The following FARP1 variants were observed in gnomAD, a reference collection of about 807,000 sequenced individuals.
FARP1 encodes FERM, ARH/RhoGEF and pleckstrin domain protein 1, also known as FERM, ARHGEF and pleckstrin domain-containing protein 1.
In FARP1, 52 loss-of-function variants were observed where a neutral mutation model predicts 128.8. The ratio of observed to expected loss-of-function variants is 0.40; its 90% CI spans 0.32 to 0.51. The LOEUF is 0.51. Ranked by LOEUF, FARP1 falls within the 20% of genes least tolerant of loss-of-function variation. FARP1 has a pLI of 0.45. For synonymous variants in FARP1, 580 were observed against 551.8 expected (o/e 1.05, Z -0.72); for missense variants, 1,333 against 1,367.9 (o/e 0.97, Z 0.40).
chr13:98,220,899 A>G (rs1881377524), intron 2 of FARP1, among the ~76,000 whole-genome samples: 1 of 152,348 alleles, frequency 6.6e-6, no homozygotes, highest in Non-Finnish European at 1.5e-5. Flanking sequence ...AAAAGAATAA[A>G]CTAATTGAGA....
chr13:98,369,064 T>A (rs1183214964), intron 5 of FARP1, among the ~76,000 whole-genome samples: 1 of 152,118 alleles, frequency 6.6e-6, no homozygotes, highest in African/African-American at 2.4e-5. Flanking sequence ...TAGCTGGGAC[T>A]ACAGGTGCCC....
intron 13 of FARP1, chr13:98,397,551 C>G (rs1191482161): frequency 1.3e-5 from 2 of 152,234 alleles, no homozygotes; most frequent in Non-Finnish European, 2.9e-5. Flanking sequence ...CACTGCCTTT[C>G]ACCCAGCATT....
At chr13:98,438,893 G>C (rs7984446) in intron 20 of FARP1, 21 bp downstream of exon 20, 1 of 1,610,496 alleles carries the variant, frequency 6.2e-7, no homozygotes, top group African/African-American at 1.3e-5. Context: ...AGAGCGGCTT[G>C]TCCTCACAAG....
At chr13:98,395,196 C>G (rs755644783) in intron 12 of FARP1, 31 bp from the exon 13 acceptor site, 8 of 1,564,112 alleles carry the variant, frequency 5.1e-6, no homozygotes, top group Non-Finnish European at 6.1e-6. Context: ...TCTTCTCTAT[C>G]TCTCCGCACC....
intron 2 of FARP1, among the ~76,000 whole-genome samples, chr13:98,230,668 A>C (rs1594298473): frequency 6.6e-6 from 1 of 152,026 alleles, no homozygotes; most frequent in Non-Finnish European, 1.5e-5. Flanking sequence ...TATATTATAC[A>C]TGGTGCGTGT....
At chr13:98,252,737 T>A (rs1883404416) in intron 2 of FARP1, among the ~76,000 whole-genome samples, 1 of 152,192 alleles carries the variant, frequency 6.6e-6, no homozygotes, top group African/African-American at 2.4e-5. Flanking sequence ...TGAAATTGGA[T>A]GTAAGTCAAT....
rs9556935 is a variant in FARP1, at chr13:98,354,786, A to G, written c.277-10609A>G. ...CAAGAGAAGAATTGTTAAACAGACT[A>G]TGGTATACTACATTATGTAGAGGGA... On this transcript the variant is annotated intron_variant, in intron 3 of 26. Coordinates refer to ENST00000319562, the MANE Select transcript of FARP1 (RefSeq NM_005766.4). 1.1e-4 allele frequency among the ~76,000 whole-genome samples: 17 copies of G among 152,352 alleles called. No individual in the cohort carries two copies. The East Asian group carries it at 3.1e-3, about 28-fold the overall frequency.
intron 17 of FARP1, among the ~76,000 whole-genome samples, chr13:98,429,201 G>A (rs1866044520): frequency 6.6e-6 from 1 of 152,228 alleles, no homozygotes; most frequent in Admixed American, 6.5e-5. Context: ...AGTGCGGGAG[G>A]ATGCAGGAGT....
chr13:98,223,667 G>C (rs1881569508), intron 2 of FARP1, among the ~76,000 whole-genome samples: 1 of 152,166 alleles, frequency 6.6e-6, no homozygotes, highest in Admixed American at 6.5e-5. Context: ...AGAATCTGTG[G>C]CTCTGGAAAT....
chr13:98,198,641 C>G (rs1208956109), intron 1 of FARP1, among the ~76,000 whole-genome samples: 2 of 151,986 alleles, frequency 1.3e-5, no homozygotes, highest in Non-Finnish European at 2.9e-5. Context: ...TTTTGGAAGG[C>G]TGAGGAGGGC....
At chr13:98,239,511 A>G (rs1206368111) in intron 2 of FARP1, among the ~76,000 whole-genome samples, 1 of 152,140 alleles carries the variant, frequency 6.6e-6, no homozygotes, top group East Asian at 1.9e-4. Context: ...GAATCATTTT[A>G]AGTGGTGTGA....
At chr13:98,433,274 T>C (rs1892119346) in intron 18 of FARP1, 1 of 152,222 alleles carries the variant, frequency 6.6e-6, no homozygotes, top group African/African-American at 2.4e-5. Context: ...AAAACCGTTG[T>C]TAATATCTAG....
intron 2 of FARP1, chr13:98,332,770 G>T (rs1887566144): frequency 6.6e-6 from 1 of 152,182 alleles, no homozygotes. Context: ...TTCACGTTAA[G>T]ATCGGTTCTT....
intron 2 of FARP1, among the ~76,000 whole-genome samples, chr13:98,275,672 G>A (rs1355708877): frequency 7.0e-6 from 1 of 142,236 alleles, no homozygotes; most frequent in African/African-American, 2.6e-5. Flanking sequence ...TGAGCTGAAC[G>A]ATTGTGACAA....
intron 19 of FARP1, among the ~76,000 whole-genome samples, chr13:98,437,420 T>A (rs1195471465): frequency 2.7e-5 from 4 of 150,874 alleles, no homozygotes; most frequent in Admixed American, 6.6e-5. Context: ...CAGTTATAGA[T>A]AAAGAAAGGC....
At chr13:98,429,605 C>T (rs1389111640) in intron 17 of FARP1, among the ~76,000 whole-genome samples, 1 of 152,160 alleles carries the variant, frequency 6.6e-6, no homozygotes, top group Admixed American at 6.5e-5. Flanking sequence ...GTTTTAATGT[C>T]GTGAGTACCT....
intron 2 of FARP1, among the ~76,000 whole-genome samples, chr13:98,219,202 C>A (rs1219836545): frequency 6.6e-6 from 1 of 152,138 alleles, no homozygotes; most frequent in Non-Finnish European, 1.5e-5. Context: ...GAAAAAGGGA[C>A]GGAGCCGAAG....
At chr13:98,323,825 T>C (rs1328948539) in intron 2 of FARP1, among the ~76,000 whole-genome samples, 1 of 152,256 alleles carries the variant, frequency 6.6e-6, no homozygotes, top group East Asian at 1.9e-4. Context: ...GGAAAATGTC[T>C]CTTCCTTTCC....
chr13:98,251,279 G>A (rs1343412612), intron 2 of FARP1, among the ~76,000 whole-genome samples: 3 of 151,896 alleles, frequency 2.0e-5, no homozygotes, highest in East Asian at 3.9e-4. Context: ...TGGCTAAGGC[G>A]GGGCCACAGT....
Sources: gnomAD v4.1 joint callset for allele counts (sites outside exome capture counted in the v4.1 genomes callset) on GRCh38, gnomAD v4.1.1 for gene constraint, MANE v1.5 for transcripts, NCBI Gene and HGNC (gene_info 2026-07-23, HGNC 2026-07-21) for gene names.